The following ZPLD1 variants were observed in gnomAD, a reference collection of about 807,000 sequenced individuals.
The protein encoded by ZPLD1 is zona pellucida like domain containing 1.
A neutral mutation model predicts 47.2 loss-of-function variants in ZPLD1; 34 were observed. The observed-to-expected ratio is 0.72, with a 90% CI of 0.55 to 0.96. The LOEUF (loss-of-function observed/expected upper bound fraction) is 0.96. ZPLD1 is among the 40% of genes least tolerant of loss of function. The pLI is 0.00. For missense variants in ZPLD1, 512 were observed against 505.8 expected, an observed-to-expected ratio of 1.01 and a Z score of -0.12; for synonymous variants, 176 against 186.2, an observed-to-expected ratio of 0.95 and a Z score of 0.45.
At chr3:102,428,938 A>G (rs1706983692) in intron 8 of ZPLD1, among the ~76,000 whole-genome samples, 1 of 152,094 alleles carries the variant, frequency 6.6e-6, no homozygotes, top group Non-Finnish European at 1.5e-5. Context: ...ACATTAAGAC[A>G]TTTACCTAAT....
chr3:102,415,787 T>C (rs913146844), intron 7 of ZPLD1, among the ~76,000 whole-genome samples: 5 of 151,800 alleles, frequency 3.3e-5, no homozygotes, highest in Non-Finnish European at 7.4e-5. Flanking sequence ...AATTCAGTCA[T>C]TGAGAGTTTA....
At position 102,477,596 on chromosome 3, in the gene ZPLD1, T is replaced by A. The variant is rs201404486; in HGVS notation, c.1226T>A (p.Ile409Lys). 267 of 1,612,780 alleles carry A rather than the reference T, an allele frequency of 1.7e-4. 3 individuals carry two copies. The highest frequency in any genetic ancestry group is 8.5e-6 in the Non-Finnish European group (10 of 1,179,426). ...KGPTSLVLNG[I>K]RNPVFD is the part of the protein sequence containing the mutation. ...CCCACAAGTTTAGTGTTGAATGGCA[T>A]AAGAAACCCAGTCTTTGACTGACTA... is the stretch of plus-strand genomic sequence containing the variant. Residue 409 changes from isoleucine (I) to lysine (K), a missense_variant, in exon 12 of 12, where the codon ATA becomes AAA. Physicochemically the swap from Ile to Lys is moderately radical, Grantham distance 102. Transcript: ENST00000466937.
At chr3:102,422,843 A>G (rs113756409) in intron 8 of ZPLD1, among the ~76,000 whole-genome samples, 2,276 of 152,126 alleles carry the variant, frequency 0.015, 26 homozygotes, top group Non-Finnish European at 0.025. Context: ...TTGCCGTGTC[A>G]TGGAATTGGA....
In ZPLD1 at chr3:102,479,769, T is replaced by C. The variant is rs919223414; in HGVS notation, c.*2151T>C. ...TTCAGTTTTAATACCTCAAACTGTT[T>C]TTTGCACTTCAGGGGTAAGGTCTGA... is the stretch of plus-strand genomic sequence containing the variant. On this transcript the variant is annotated 3_prime_UTR_variant, in exon 12 of 12. Transcript: ENST00000466937. 3.9e-5 allele frequency: 6 copies of C among 152,152 alleles called. No individual in the cohort carries two copies. The highest frequency in any genetic ancestry group is 1.4e-4 in the African/African-American group (6 of 41,444). The allele number at this position is 152,152 out of a possible 1,614,324, so 9.4% of individuals were successfully genotyped here.
At chr3:102,470,748 G>GCA (rs1707671043) in intron 10 of ZPLD1, among the ~76,000 whole-genome samples, 1 of 139,324 alleles carries the variant, frequency 7.2e-6, no homozygotes, top group African/African-American at 2.8e-5. Context: ...ACACACACAC[G>GCA]CACACACGAG....
intron 7 of ZPLD1, among the ~76,000 whole-genome samples, chr3:102,399,001 C>T (rs970181135): frequency 3.9e-5 from 6 of 152,096 alleles, no homozygotes; most frequent in Admixed American, 6.6e-5. Flanking sequence ...TGTATAACAA[C>T]GCTAGTACAT....
chr3:102,431,704 T>A (rs1390568022), upstream of ZPLD1, among the ~76,000 whole-genome samples: 1 of 152,042 alleles, frequency 6.6e-6, no homozygotes, highest in Non-Finnish European at 1.5e-5. Context: ...AGGTCAGGAG[T>A]TCGCAACCAG....
intron 8 of ZPLD1, among the ~76,000 whole-genome samples, chr3:102,423,453 GT>G (rs1229310742): frequency 2.0e-5 from 3 of 151,990 alleles, no homozygotes; most frequent in African/African-American, 7.2e-5. Context: ...CAAATTAGCA[GT>G]TAGGATGCAG....
At chr3:102,448,820 T>C (rs1286162627) in intron 3 of ZPLD1, among the ~76,000 whole-genome samples, 2 of 152,212 alleles carry the variant, frequency 1.3e-5, no homozygotes, top group Non-Finnish European at 2.9e-5. Context: ...CTTTAGTTGG[T>C]TTATGTTAAG....
At chr3:102,468,042 G>A (rs1232161357) in intron 8 of ZPLD1, among the ~76,000 whole-genome samples, 2 of 151,998 alleles carry the variant, frequency 1.3e-5, no homozygotes, top group Non-Finnish European at 2.9e-5. Flanking sequence ...ATAAAGAAAT[G>A]CAAATGACTA....
intron 7 of ZPLD1, among the ~76,000 whole-genome samples, chr3:102,400,146 A>C (rs1306008614): frequency 2.0e-5 from 3 of 152,062 alleles, no homozygotes; most frequent in Admixed American, 6.6e-5. Flanking sequence ...AGCATAACTC[A>C]GTAAAGAAAG....
intron 7 of ZPLD1, among the ~76,000 whole-genome samples, chr3:102,407,420 T>TAC (rs1706702091): frequency 1.0e-5 from 1 of 97,108 alleles, no homozygotes; most frequent in Non-Finnish European, 2.0e-5. Context: ...TATATATATA[T>TAC]ATATATATAT....
At chr3:102,471,351 T>C (rs1185842402) in intron 10 of ZPLD1, among the ~76,000 whole-genome samples, 2 of 152,244 alleles carry the variant, frequency 1.3e-5, no homozygotes, top group Non-Finnish European at 2.9e-5. Flanking sequence ...ATTCTCCACG[T>C]CTTTATAAAT....
At chr3:102,461,362 T>G in intron 6 of ZPLD1, among the ~76,000 whole-genome samples, 1 of 152,118 alleles carries the variant, frequency 6.6e-6, no homozygotes, top group African/African-American at 2.4e-5. Flanking sequence ...GTTTTCTTCA[T>G]TATCAAATTA....
At chr3:102,421,218 T>A (rs1484953861) in intron 8 of ZPLD1, among the ~76,000 whole-genome samples, 1 of 151,916 alleles carries the variant, frequency 6.6e-6, no homozygotes, top group South Asian at 2.1e-4. Flanking sequence ...AACTACACTA[T>A]CTCTCAGTTG....
chr3:102,438,882 C>CT (rs1243977550), intron 3 of ZPLD1, among the ~76,000 whole-genome samples: 2 of 151,952 alleles, frequency 1.3e-5, no homozygotes, highest in African/African-American at 4.8e-5. Context: ...AAATTTGTGT[C>CT]TTTTTTTCTC....
chr3:102,386,047 T>C (rs1451214982), intron 6 of ZPLD1, among the ~76,000 whole-genome samples: 3 of 152,230 alleles, frequency 2.0e-5, no homozygotes, highest in Non-Finnish European at 2.9e-5. Flanking sequence ...TATGTTTTTA[T>C]CTCTTGCAAG....
chr3:102,403,206 G>A (rs1444472312), intron 7 of ZPLD1, among the ~76,000 whole-genome samples: 1 of 151,836 alleles, frequency 6.6e-6, no homozygotes. Context: ...TATTGTGGAT[G>A]CGATATATTC....
chr3:102,436,836 A>G, intron 1 of ZPLD1, 24 bp from the exon 2 acceptor site: 1 of 964,892 alleles, frequency 1.0e-6, no homozygotes, highest in Non-Finnish European at 1.2e-6. Context: ...ACCAACTTAA[A>G]TTCCTGATTC....
Sources: gnomAD v4.1 joint callset for allele counts (sites outside exome capture counted in the v4.1 genomes callset) on GRCh38, gnomAD v4.1.1 for gene constraint, MANE v1.5 for transcripts, NCBI Gene and HGNC (gene_info 2026-07-23, HGNC 2026-07-21) for gene names.